FGF12: variants seen among roughly 807,000 people sequenced by gnomAD.
The protein encoded by FGF12 is fibroblast growth factor 12B.
A neutral mutation model predicts 23.6 loss-of-function variants in FGF12; 14 were observed. The ratio of observed to expected loss-of-function variants is 0.59; its 90% CI spans 0.39 to 0.93. FGF12 has a LOEUF of 0.93. Among genes scored for constraint, FGF12 ranks in the 40% least tolerant of loss-of-function variants. The pLI is 0.00. For missense variants in FGF12, 175 were observed against 217.8 expected, an observed-to-expected ratio of 0.80 and a Z score of 1.24; for synonymous variants, 62 against 77.3, an observed-to-expected ratio of 0.80 and a Z score of 1.04.
At chr3:192,224,843 A>T (rs926567913) in intron 4 of FGF12, among the ~76,000 whole-genome samples, 6 of 152,148 alleles carry the variant, frequency 3.9e-5, no homozygotes, top group African/African-American at 1.4e-4. Flanking sequence ...TCTTGCAGTG[A>T]CCTCTTCTTA....
chr3:192,689,408 A>G (rs909603697), intron 2 of FGF12, among the ~76,000 whole-genome samples: 1 of 152,142 alleles, frequency 6.6e-6, no homozygotes, highest in Non-Finnish European at 1.5e-5. Flanking sequence ...AGAGCACAAA[A>G]AACAGTTTAA....
rs1466196282 is a variant in FGF12 at position 192,674,215 on chromosome 3, T to C, written c.13+52966A>G. ...CCATAGACTTGGGTCAGCTGCTTTGTATCTAATCAAAACACCATGAATGTT... is the reference window on the plus strand; with the variant it reads ...CCATAGACTTGGGTCAGCTGCTTTGCATCTAATCAAAACACCATGAATGTT... On this transcript the variant is annotated intron_variant, in intron 2 of 5. Coordinates refer to ENST00000445105, the MANE Select transcript of FGF12 (RefSeq NM_004113.6). 1.3e-4 allele frequency among the ~76,000 whole-genome samples: 18 copies of C among 138,516 alleles called. 1 individual carries two copies. Among genetic ancestry groups the C allele is most frequent in the Non-Finnish European group, 8.5e-5 (5 of 59,132 alleles). 90.9% of individuals were successfully genotyped at this position (138,516 alleles called of 152,430 possible).
At chr3:192,359,613 G>A (rs965090325) in intron 3 of FGF12, among the ~76,000 whole-genome samples, 4 of 152,104 alleles carry the variant, frequency 2.6e-5, no homozygotes, top group African/African-American at 9.7e-5. Context: ...TGAAAGATAT[G>A]ACAGCTATCA....
At chr3:192,652,029 C>T (rs1330188966) in intron 2 of FGF12, among the ~76,000 whole-genome samples, 1 of 152,132 alleles carries the variant, frequency 6.6e-6, no homozygotes, top group East Asian at 1.9e-4. Context: ...AAACTATTTG[C>T]CAGGCACCTA....
intron 2 of FGF12, among the ~76,000 whole-genome samples, chr3:192,458,667 T>C (rs1722759778): frequency 2.6e-5 from 4 of 152,184 alleles, no homozygotes; most frequent in Non-Finnish European, 5.9e-5. Flanking sequence ...CAGAAGGGAT[T>C]TGCCTTGTCT....
chr3:192,431,427 G>A (rs1721857391), intron 2 of FGF12, among the ~76,000 whole-genome samples: 1 of 152,066 alleles, frequency 6.6e-6, no homozygotes, highest in Admixed American at 6.5e-5. Context: ...AACGTGTGAA[G>A]GAGAATTTAA....
chr3:192,321,372 T>C (rs539265500), intron 4 of FGF12, among the ~76,000 whole-genome samples: 2 of 152,080 alleles, frequency 1.3e-5, no homozygotes, highest in Admixed American at 1.3e-4. Flanking sequence ...TGAATAATTT[T>C]ATTAAACATT....
chr3:192,422,651 A>G (rs1721568772), intron 2 of FGF12, among the ~76,000 whole-genome samples: 1 of 152,192 alleles, frequency 6.6e-6, no homozygotes, highest in Non-Finnish European at 1.5e-5. Context: ...AGCACTTTAT[A>G]TGTATCAACT....
At chr3:192,534,952 T>C (rs1399639130) in intron 2 of FGF12, among the ~76,000 whole-genome samples, 2 of 152,184 alleles carry the variant, frequency 1.3e-5, no homozygotes, top group Non-Finnish European at 1.5e-5. Flanking sequence ...GTCTAACTTT[T>C]ACCTTACACA....
chr3:192,212,095 C>T (rs1273841237), intron 4 of FGF12, among the ~76,000 whole-genome samples: 1 of 152,182 alleles, frequency 6.6e-6, no homozygotes, highest in Non-Finnish European at 1.5e-5. Flanking sequence ...TGTTGCAACA[C>T]TGTCACTTAT....
intron 2 of FGF12, among the ~76,000 whole-genome samples, chr3:192,683,757 G>A (rs535261623): frequency 6.6e-6 from 1 of 152,170 alleles, no homozygotes; most frequent in Non-Finnish European, 1.5e-5. Context: ...TTCAAATGTT[G>A]GTCATCCAGA....
chr3:192,482,984 T>C (rs1357899379), intron 2 of FGF12, among the ~76,000 whole-genome samples: 7 of 152,184 alleles, frequency 4.6e-5, no homozygotes, highest in African/African-American at 1.4e-4. Flanking sequence ...CCAAATATTT[T>C]AGAATAGAAT....
At chr3:192,247,060 G>GGAAGGAAT (rs1711659473) in intron 4 of FGF12, among the ~76,000 whole-genome samples, 1 of 136,580 alleles carries the variant, frequency 7.3e-6, no homozygotes, top group Non-Finnish European at 1.6e-5. Flanking sequence ...AAGGAAGGAA[G>GGAAGGAAT]GAAGGAAGGA....
chr3:192,469,416 A>G (rs1723106906), intron 2 of FGF12, among the ~76,000 whole-genome samples: 1 of 152,162 alleles, frequency 6.6e-6, no homozygotes, highest in African/African-American at 2.4e-5. Flanking sequence ...ATACCTGTAA[A>G]TCCAATCAAA....
intron 2 of FGF12, among the ~76,000 whole-genome samples, chr3:192,624,165 C>T (rs1312523847): frequency 6.6e-6 from 1 of 151,602 alleles, no homozygotes; most frequent in African/African-American, 2.4e-5. Context: ...GGGCATACAA[C>T]CCAGTAGCAA....
At chr3:192,459,596 C>T (rs943935409) in intron 2 of FGF12, among the ~76,000 whole-genome samples, 1 of 152,106 alleles carries the variant, frequency 6.6e-6, no homozygotes, top group East Asian at 1.9e-4. Flanking sequence ...AAAAACAAGG[C>T]ATCATTCTGC....
At chr3:192,396,790 G>C (rs1283380454) in intron 2 of FGF12, among the ~76,000 whole-genome samples, 1 of 152,204 alleles carries the variant, frequency 6.6e-6, no homozygotes, top group African/African-American at 2.4e-5. Context: ...CATAAAGCTT[G>C]CTGCTCTTCA....
chr3:192,474,702 A>G (rs1723268087), intron 2 of FGF12, among the ~76,000 whole-genome samples: 2 of 152,134 alleles, frequency 1.3e-5, no homozygotes, highest in African/African-American at 4.8e-5. Context: ...CCTGGCCAAC[A>G]TGGTGAAACC....
At chr3:192,367,990 T>C (rs187036767) in intron 2 of FGF12, among the ~76,000 whole-genome samples, 5 of 152,322 alleles carry the variant, frequency 3.3e-5, no homozygotes, top group Non-Finnish European at 7.3e-5. Flanking sequence ...AATGGCACGT[T>C]TTATTTTTTA....
Sources: gnomAD v4.1 joint callset for allele counts (sites outside exome capture counted in the v4.1 genomes callset) on GRCh38, gnomAD v4.1.1 for gene constraint, MANE v1.5 for transcripts, NCBI Gene and HGNC (gene_info 2026-07-23, HGNC 2026-07-21) for gene names.